KANK4: variants seen among roughly 807,000 people sequenced by gnomAD.
KANK4 encodes KN motif and ankyrin repeat domains 4.
A neutral mutation model predicts 80.8 loss-of-function variants in KANK4; 50 were observed. The observed-to-expected ratio is 0.62, with a 90% CI of 0.49 to 0.78. KANK4 has a LOEUF of 0.78. KANK4 is among the 30% of genes least tolerant of loss of function. KANK4 has a pLI of 0.00. For missense variants in KANK4, 1,196 were observed against 1,240.1 expected (o/e 0.96, Z 0.53); for synonymous variants, 465 against 506.9 (o/e 0.92, Z 1.11).
At chr1:62,248,039 A>T (rs2149119202) in intron 8 of KANK4, among the ~76,000 whole-genome samples, 1 of 152,238 alleles carries the variant, frequency 6.6e-6, no homozygotes. Flanking sequence ...GTGCTGATAA[A>T]TGTCGAATGA....
In KANK4 at chr1:62,270,757, G is replaced by A. The variant is rs77615750; in HGVS notation, c.2012+721C>T. Reference sequence around the variant, plus strand: ...CCTTCTGGTGTGACTCAAATTAGCAGGGATTCTGAGCTCTCTGGGCAGCCT... The same window carrying A: ...CCTTCTGGTGTGACTCAAATTAGCAAGGATTCTGAGCTCTCTGGGCAGCCT... On this transcript the variant is annotated intron_variant, in intron 4 of 9. Transcript: ENST00000371153. Among the ~76,000 whole-genome samples the A allele has an allele frequency of 2.7e-3, 407 of 152,248 alleles. 2 individuals are homozygous for A. The highest frequency in any genetic ancestry group is 9.5e-3 in the African/African-American group (395 of 41,536).
At chr1:62,244,203 T>A (rs904024583) in intron 9 of KANK4, among the ~76,000 whole-genome samples, 28 of 133,360 alleles carry the variant, frequency 2.1e-4, no homozygotes, top group African/African-American at 7.8e-4. Flanking sequence ...TTTTTTATTT[T>A]TTTTTTTTTT....
intron 1 of KANK4, among the ~76,000 whole-genome samples, chr1:62,283,699 G>C (rs1672500542): frequency 6.6e-6 from 1 of 152,180 alleles, no homozygotes; most frequent in South Asian, 2.1e-4. Context: ...CAAGGCTGGA[G>C]AAGCTCCTAC....
intron 2 of KANK4, among the ~76,000 whole-genome samples, chr1:62,275,657 G>A (rs1403138086): frequency 2.6e-5 from 4 of 152,156 alleles, no homozygotes; most frequent in Non-Finnish European, 5.9e-5. Flanking sequence ...AGATGCCTGC[G>A]CCTCAGGTAT....
rs746578021 is a variant in KANK4, at chr1:62,247,562, C to T, written c.2793G>A (p.Ser931=). 16 of 1,613,884 alleles carry T rather than the reference C, an allele frequency of 9.9e-6. No homozygotes were observed. Among genetic ancestry groups the T allele is most frequent in the South Asian group, 2.2e-5 (2 of 91,076 alleles). ...CATGGTGACAGGCCACCATGAGGGC[C>T]GAGGATCCATCGTGGTCCTGCAGAT... ...DVNLQDHDGS[S]ALMVACHHGN... is the part of the protein sequence containing the mutation. The change falls in exon 9 of 10, where the codon TCG becomes TCA. Residue 931 remains serine (S), a synonymous_variant. Coordinates refer to ENST00000371153, the MANE Select transcript of KANK4 (RefSeq NM_181712.5).
In KANK4 at chr1:62,263,337, C is replaced by T. The variant is rs200781381; in HGVS notation, c.2320-26G>A. 1.2e-5 allele frequency: 19 copies of T among 1,591,864 alleles called. No homozygotes were observed. In the African/African-American group the frequency reaches 2.5e-4, roughly 21 times the overall value. ...CTGAAACCCCAAAAAAGACCAATTCCAAGAGGTTCCCCGGCCAGCAAGAGT... is the reference window on the plus strand; with the variant it reads ...CTGAAACCCCAAAAAAGACCAATTCTAAGAGGTTCCCCGGCCAGCAAGAGT... On this transcript the variant is annotated intron_variant, in intron 6 of 9. Transcript: ENST00000371153.
intron 1 of KANK4, among the ~76,000 whole-genome samples, chr1:62,306,694 T>C (rs1644454404): frequency 6.6e-6 from 1 of 152,162 alleles, no homozygotes; most frequent in Non-Finnish European, 1.5e-5. Context: ...CTAACTGGTA[T>C]GATATTTATA....
At chr1:62,275,450 A>C (rs1000309367) in intron 2 of KANK4, among the ~76,000 whole-genome samples, 2 of 152,200 alleles carry the variant, frequency 1.3e-5, no homozygotes, top group African/African-American at 4.8e-5. Flanking sequence ...AGTAGCCAGG[A>C]ATTTGCCAAA....
intron 1 of KANK4, among the ~76,000 whole-genome samples, chr1:62,304,850 G>A (rs1368566099): frequency 6.6e-6 from 1 of 152,066 alleles, no homozygotes; most frequent in Non-Finnish European, 1.5e-5. Flanking sequence ...TCTGCTGTGT[G>A]AGTTTAAGGC....
At chr1:62,309,114 G>A (rs1426983921) in intron 1 of KANK4, among the ~76,000 whole-genome samples, 1 of 152,266 alleles carries the variant, frequency 6.6e-6, no homozygotes. Context: ...CCGTTCTGGA[G>A]GCTCGGAGAA....
intron 7 of KANK4, among the ~76,000 whole-genome samples, chr1:62,260,411 T>C (rs1671857125): frequency 6.6e-6 from 1 of 152,078 alleles, no homozygotes; most frequent in South Asian, 2.1e-4. Flanking sequence ...TCTCTGTCTC[T>C]CATTCCCTGT....
At position 62,238,375 on chromosome 1, in the gene KANK4, G is replaced by C. The variant is rs200811588; in HGVS notation, c.2890C>G (p.Arg964Gly). The stretch of plus-strand genomic sequence containing the variant: ...TTCAGAGCGATGGACAAAGCTGTGC[G>C]GCCAGCCTACAGGAGAAAAAGGAAA... The part of the protein sequence containing the change: ...CDSSLTDKAG[R>G]TALSIALKSP... The change falls in exon 10 of 10, where the codon CGC becomes GGC. Residue 964 changes from arginine (R) to glycine (G), a missense_variant. Coordinates refer to ENST00000371153, the MANE Select transcript of KANK4 (RefSeq NM_181712.5). 3 of 1,613,710 alleles carry C rather than the reference G, an allele frequency of 1.9e-6. No individual in the cohort carries two copies. Among genetic ancestry groups the C allele is most frequent in the East Asian group, 2.2e-5 (1 of 44,860 alleles).
intron 7 of KANK4, among the ~76,000 whole-genome samples, 200 bp from the exon 8 acceptor site, chr1:62,253,409 C>CTTTTTTTTTTTTTTTTTTTTTTTT (rs34488630): frequency 2.7e-5 from 3 of 110,978 alleles, no homozygotes; most frequent in African/African-American, 6.9e-5. Flanking sequence ...TTCTTTCTTT[C>CTTTTTTTTTTTTTTTTTTTTTTTT]TTTTTTTTTT....
intron 8 of KANK4, among the ~76,000 whole-genome samples, chr1:62,249,636 G>A (rs1345397136): frequency 4.6e-5 from 7 of 150,782 alleles, no homozygotes; most frequent in Non-Finnish European, 1.0e-4. Context: ...TCTGCCTCAC[G>A]GGTTCAAGCC....
At chr1:62,249,792 C>T (rs1671568290) in intron 8 of KANK4, among the ~76,000 whole-genome samples, 1 of 151,996 alleles carries the variant, frequency 6.6e-6, no homozygotes, top group African/African-American at 2.4e-5. Context: ...ATCTGCCTAC[C>T]TCGGCCTCCC....
At chr1:62,258,611 T>G (rs1429401127) in intron 7 of KANK4, among the ~76,000 whole-genome samples, 2 of 151,992 alleles carry the variant, frequency 1.3e-5, no homozygotes, top group Non-Finnish European at 2.9e-5. Flanking sequence ...CTCCCGAGAG[T>G]CATCCATCGC....
At chr1:62,282,291 A>G (rs371264627) in intron 1 of KANK4, among the ~76,000 whole-genome samples, 3 of 152,134 alleles carry the variant, frequency 2.0e-5, no homozygotes, top group East Asian at 3.9e-4. Context: ...TTTGACCATA[A>G]ATTCTCCCCA....
intron 1 of KANK4, among the ~76,000 whole-genome samples, chr1:62,312,757 T>C (rs558170189): frequency 1.7e-3 from 258 of 152,336 alleles, no homozygotes; most frequent in Non-Finnish European, 3.2e-3. Context: ...GGATGCTCTC[T>C]GGAACTTGAA....
At chr1:62,276,783 T>TA in intron 2 of KANK4, among the ~76,000 whole-genome samples, 1 of 146,264 alleles carries the variant, frequency 6.8e-6, no homozygotes, top group Admixed American at 6.9e-5. Flanking sequence ...ATCTCAAAAA[T>TA]AAGACTATTG....
Sources: allele counts gnomAD v4.1 joint callset (sites outside exome capture counted in the v4.1 genomes callset), GRCh38; gene constraint gnomAD v4.1.1; transcripts MANE v1.5; gene names NCBI Gene and HGNC (gene_info 2026-07-23, HGNC 2026-07-21).